Variants in PPFIA2 observed in about 807,000 individuals in gnomAD.
The protein encoded by PPFIA2 is liprin-alpha-2.
A neutral mutation model predicts 175.5 loss-of-function variants in PPFIA2; 46 were observed. The observed-to-expected ratio is 0.26, with a 90% confidence interval of 0.21 to 0.34. PPFIA2 has a LOEUF of 0.34. Among genes scored for constraint, PPFIA2 ranks in the 10% least tolerant of loss-of-function variants. The pLI is 1.00. For synonymous variants in PPFIA2, 568 were observed against 511.4 expected (o/e 1.11, Z -1.49); for missense variants, 1,179 against 1,506.1 (o/e 0.78, Z 3.60).
rs1256636122 is a variant in PPFIA2 at position 81,533,548 on chromosome 12, T to C, written c.304-75682A>G. 3.3e-5 allele frequency among the ~76,000 whole-genome samples: 5 copies of C among 151,592 alleles called. No individual in the cohort carries two copies. The South Asian group carries it at 8.3e-4, about 25-fold the overall frequency. On this transcript the variant is annotated intron_variant, in intron 4 of 32. Transcript: ENST00000549396. Reference sequence around the variant, plus strand: ...TTCCACCTTTGAAAATTCGTGAATTTTGGGGGGCAGAAACTGAATTTGGAT... The same window carrying C: ...TTCCACCTTTGAAAATTCGTGAATTCTGGGGGGCAGAAACTGAATTTGGAT...
intron 4 of PPFIA2, among the ~76,000 whole-genome samples, chr12:81,497,494 G>A (rs1370918819): frequency 7.6e-6 from 1 of 130,768 alleles, no homozygotes; most frequent in Non-Finnish European, 1.6e-5. Flanking sequence ...CCTTCCCCAT[G>A]TTAGTCTTTA....
At chr12:81,481,711 A>G (rs1296782168) in intron 4 of PPFIA2, among the ~76,000 whole-genome samples, 1 of 152,142 alleles carries the variant, frequency 6.6e-6, no homozygotes, top group Non-Finnish European at 1.5e-5. Flanking sequence ...AAACTGGACC[A>G]CTTCCTTACA....
chr12:81,479,600 G>A (rs1041563222), intron 4 of PPFIA2, among the ~76,000 whole-genome samples: 3 of 152,158 alleles, frequency 2.0e-5, no homozygotes, highest in Non-Finnish European at 4.4e-5. Context: ...TCCTTCAGGA[G>A]CGCTTGTAAG....
At chr12:81,454,238 AAAAT>A (rs1205532659) in intron 5 of PPFIA2, among the ~76,000 whole-genome samples, 2 of 152,170 alleles carry the variant, frequency 1.3e-5, no homozygotes, top group East Asian at 3.9e-4. Flanking sequence ...AAAAAAGAAA[AAAAT>A]AAATTTGAAC....
chr12:81,600,682 A>C (rs557361261), intron 4 of PPFIA2, among the ~76,000 whole-genome samples: 1 of 152,000 alleles, frequency 6.6e-6, no homozygotes, highest in Non-Finnish European at 1.5e-5. Context: ...AATAAGTTAT[A>C]TATGTGAAAT....
chr12:81,686,312 G>C (rs11114979), intron 3 of PPFIA2, among the ~76,000 whole-genome samples: 2 of 151,970 alleles, frequency 1.3e-5, no homozygotes, highest in African/African-American at 4.8e-5. Flanking sequence ...CAAAATCTTG[G>C]CTATATATTT....
At chr12:81,610,990 A>T (rs977565238) in intron 4 of PPFIA2, among the ~76,000 whole-genome samples, 2 of 152,018 alleles carry the variant, frequency 1.3e-5, no homozygotes, top group African/African-American at 4.8e-5. Context: ...TATTAATAGG[A>T]TAATTGTTGA....
intron 3 of PPFIA2, among the ~76,000 whole-genome samples, chr12:81,745,415 A>C (rs2082908107): frequency 6.6e-6 from 1 of 152,170 alleles, no homozygotes; most frequent in African/African-American, 2.4e-5. Flanking sequence ...GAGGGGAAAG[A>C]CCACAGTGGC....
At chr12:81,347,920 T>G (rs1270866443) in intron 17 of PPFIA2, 150 bp from the exon 18 acceptor site, 2 of 1,278,970 alleles carry the variant, frequency 1.6e-6, no homozygotes, top group Non-Finnish European at 2.1e-6. Flanking sequence ...TCTTTTTTTT[T>G]TCTCTAAATA....
At chr12:81,473,777 G>A (rs2057097839) in intron 4 of PPFIA2, among the ~76,000 whole-genome samples, 2 of 152,126 alleles carry the variant, frequency 1.3e-5, no homozygotes, top group Admixed American at 1.3e-4. Flanking sequence ...TCCAACTGCA[G>A]AACCATGACT....
chr12:81,690,432 G>C (rs1401245505), intron 3 of PPFIA2, among the ~76,000 whole-genome samples: 2 of 151,996 alleles, frequency 1.3e-5, no homozygotes, highest in Non-Finnish European at 2.9e-5. Context: ...TTGAATTTCA[G>C]GATTTTTCGC....
intron 32 of PPFIA2, chr12:81,260,275 G>A (rs961182018): frequency 6.6e-6 from 1 of 152,132 alleles, no homozygotes; most frequent in Non-Finnish European, 1.5e-5. Flanking sequence ...TTGAATTATT[G>A]TAAATGAATA....
intron 22 of PPFIA2, among the ~76,000 whole-genome samples, chr12:81,300,659 G>A (rs184364527): frequency 3.3e-5 from 5 of 152,254 alleles, no homozygotes; most frequent in Admixed American, 3.3e-4. Flanking sequence ...CTGGGAAAGG[G>A]AACAGCGATA....
At chr12:81,739,772 G>C (rs866195104) in intron 3 of PPFIA2, among the ~76,000 whole-genome samples, 3 of 151,996 alleles carry the variant, frequency 2.0e-5, no homozygotes, top group Non-Finnish European at 2.9e-5. Context: ...ACCGTACATA[G>C]AACAAGATAG....
At chr12:81,529,366 G>A (rs1354306858) in intron 4 of PPFIA2, among the ~76,000 whole-genome samples, 1 of 151,924 alleles carries the variant, frequency 6.6e-6, no homozygotes, top group Non-Finnish European at 1.5e-5. Context: ...AAGTGATAAA[G>A]TAATGTCTTA....
intron 23 of PPFIA2, among the ~76,000 whole-genome samples, chr12:81,296,421 C>T (rs2046451025): frequency 6.6e-6 from 1 of 152,202 alleles, no homozygotes; most frequent in Admixed American, 6.5e-5. Context: ...AGGTCTCGTG[C>T]ACATCTCAAG....
At chr12:81,669,077 G>A (rs1293069834) in intron 4 of PPFIA2, among the ~76,000 whole-genome samples, 3 of 152,032 alleles carry the variant, frequency 2.0e-5, no homozygotes, top group Admixed American at 2.0e-4. Flanking sequence ...ATGTAACTAA[G>A]ACATACGGCA....
chr12:81,364,683 G>A (rs2032487252), intron 14 of PPFIA2, among the ~76,000 whole-genome samples: 1 of 151,810 alleles, frequency 6.6e-6, no homozygotes, highest in South Asian at 2.1e-4. Flanking sequence ...AGTCAGAAAA[G>A]AGAGGAAATT....
Position 81,630,899 on chromosome 12 carries a change from A to ATATT in PPFIA2, c.303+45891_303+45892insAATA, listed in dbSNP as rs1411924550. On this transcript the variant is annotated intron_variant, in intron 4 of 32. Transcript: ENST00000549396. ...GGAAAGGCTATATATATATATATATATTTTTTTTTTTTTTCCAGACAGAGT... is the reference window on the plus strand; with the variant it reads ...GGAAAGGCTATATATATATATATATATATTTTTTTTTTTTTTTTCCAGACAGAGT... Among the ~76,000 whole-genome samples, 490 of 106,458 alleles carry ATATT rather than the reference A, an allele frequency of 4.6e-3. 2 individuals carry two copies. In the East Asian group the frequency reaches 0.051, roughly 11 times the overall value. 69.8% of individuals were successfully genotyped at this position (106,458 alleles called of 152,430 possible). A position where few individuals can be genotyped will look rare whatever the true frequency, so the allele number is the denominator to read the frequency against.
Sources: allele counts gnomAD v4.1 joint callset (sites outside exome capture counted in the v4.1 genomes callset), GRCh38; gene constraint gnomAD v4.1.1; transcripts MANE v1.5; gene names NCBI Gene and HGNC (gene_info 2026-07-23, HGNC 2026-07-21).